TTC21B: variants seen among roughly 807,000 people sequenced by gnomAD.
TTC21B encodes the protein tetratricopeptide repeat domain 21B.
Under a neutral mutation model 175.1 loss-of-function variants are expected in TTC21B, and 127 were observed. The observed-to-expected ratio is 0.73, with a 90% CI of 0.63 to 0.84. The LOEUF is 0.84. TTC21B is among the 40% of genes least tolerant of loss of function. TTC21B has a pLI of 0.00. For synonymous variants in TTC21B, 524 were observed against 524.5 expected (o/e 1.00, Z 0.01); for missense variants, 1,561 against 1,558.3 (o/e 1.00, Z -0.03).
chr2:165,907,706 A>G lies in TTC21B; in HGVS notation c.2540T>C (p.Leu847Pro), dbSNP rs750709791. Reference protein sequence around the residue: ...LAKVYSKMEKLGDAITALQQA... With the variant: ...LAKVYSKMEKPGDAITALQQA... ...TTGTAATGCAGTGATCGCATCACCA[A>G]GTTTTTCCATTTTACTATAAACTTT... Residue 847 changes from leucine to proline, a missense_variant, in exon 19 of 29, where the codon CTT becomes CCT. By Grantham distance (98) the Leu-to-Pro change is moderately conservative. Transcript: ENST00000243344. 1.2e-6 allele frequency: 2 copies of G among 1,612,798 alleles called. No individual in the cohort carries two copies. Among genetic ancestry groups the G allele is most frequent in the Admixed American group, 3.3e-5 (2 of 60,008 alleles).
At chr2:165,884,059 A>T (rs1036583305) in intron 25 of TTC21B, 41 bp from the exon 26 acceptor site, 2 of 1,514,950 alleles carry the variant, frequency 1.3e-6, no homozygotes, top group Non-Finnish European at 1.8e-6. Context: ...ATGCATAAAC[A>T]TAAATGCCCC....
chr2:165,939,404 G>C (rs2105358045), intron 6 of TTC21B, among the ~76,000 whole-genome samples: 1 of 152,242 alleles, frequency 6.6e-6, no homozygotes, highest in Non-Finnish European at 1.5e-5. Context: ...TTTGTATCTT[G>C]AAAGTATCCT....
chr2:165,897,389 C>T (rs372619464), intron 22 of TTC21B, among the ~76,000 whole-genome samples: 50 of 152,132 alleles, frequency 3.3e-4, no homozygotes, highest in African/African-American at 1.1e-3. Flanking sequence ...CAAGGATTTG[C>T]TGATAGACTG....
intron 11 of TTC21B, among the ~76,000 whole-genome samples, chr2:165,928,015 T>C (rs1330033712): frequency 6.6e-6 from 1 of 152,198 alleles, no homozygotes; most frequent in Non-Finnish European, 1.5e-5. Context: ...TTACTATCTG[T>C]AATAAGAGTG....
At chr2:165,952,870 G>T (rs536424739) in intron 1 of TTC21B, among the ~76,000 whole-genome samples, 1 of 152,174 alleles carries the variant, frequency 6.6e-6, no homozygotes, top group Non-Finnish European at 1.5e-5. Context: ...GTTTTTCTTG[G>T]TTTTATTATT....
chr2:165,890,827 A>C lies in TTC21B; in HGVS notation c.3101+11T>G. The C allele has an allele frequency of 6.2e-7, 1 of 1,612,180 alleles. No homozygotes were observed. The highest frequency in any genetic ancestry group is 8.5e-7 in the Non-Finnish European group (1 of 1,178,930). On this transcript the variant is annotated intron_variant, in intron 23 of 28. Transcript: ENST00000243344. The stretch of plus-strand genomic sequence containing the variant: ...AAAAATCATGTAGCATTTATTTGTA[A>C]ATAGATTTACCAAAGATACAGTCCT...
chr2:165,923,780 C>T (rs1428545302), intron 12 of TTC21B, among the ~76,000 whole-genome samples: 1 of 137,426 alleles, frequency 7.3e-6, no homozygotes, highest in Admixed American at 7.6e-5. Flanking sequence ...GACAGGGTCT[C>T]ACTCCCATCA....
intron 1 of TTC21B, 65 bp downstream of exon 1, chr2:165,953,620 C>A: frequency 6.5e-7 from 1 of 1,537,276 alleles, no homozygotes; most frequent in Non-Finnish European, 8.7e-7. Flanking sequence ...CGCCCCCGGG[C>A]CAAAAGGCCG....
chr2:165,913,095 G>C (rs1188044379), intron 16 of TTC21B, among the ~76,000 whole-genome samples: 2 of 151,760 alleles, frequency 1.3e-5, no homozygotes, highest in Non-Finnish European at 2.9e-5. Flanking sequence ...CTGGAGTGCA[G>C]TGGCGCAATC....
chr2:165,926,223 GA>G (rs1686623169), intron 11 of TTC21B, among the ~76,000 whole-genome samples: 1 of 152,142 alleles, frequency 6.6e-6, no homozygotes, highest in African/African-American at 2.4e-5. Flanking sequence ...ATTTGAACTA[GA>G]GGCCCAACTA....
intron 3 of TTC21B, among the ~76,000 whole-genome samples, chr2:165,946,732 G>T (rs1042974464): frequency 9.2e-5 from 14 of 152,056 alleles, no homozygotes; most frequent in Non-Finnish European, 1.6e-4. Context: ...AACTACTTGG[G>T]AGGCTGAGGC....
chr2:165,953,111 C>T (rs897148580), intron 1 of TTC21B, among the ~76,000 whole-genome samples: 1 of 152,166 alleles, frequency 6.6e-6, no homozygotes, highest in African/African-American at 2.4e-5. Flanking sequence ...AGACCAACAT[C>T]CGAAAAGTTA....
At chr2:165,943,114 A>C in intron 5 of TTC21B, 105 bp downstream of exon 5, 1 of 1,097,150 alleles carries the variant, frequency 9.1e-7, no homozygotes. Flanking sequence ...TGACAACAGT[A>C]TCATGAAAAT....
At chr2:165,894,529 A>G (rs1685297328) in intron 22 of TTC21B, among the ~76,000 whole-genome samples, 1 of 151,930 alleles carries the variant, frequency 6.6e-6, no homozygotes, top group South Asian at 2.1e-4. Context: ...AAGATTAAAA[A>G]CTCTTAAGAT....
chr2:165,888,178 A>C lies in TTC21B; in HGVS notation c.3459+101T>G. On this transcript the variant is annotated intron_variant, in intron 25 of 28. Coordinates refer to ENST00000243344, the MANE Select transcript of TTC21B (RefSeq NM_024753.5). ...ACCTAATTTTTAATAAAAGTTAAGTAATTAAGTCAATCTTCAGAAAATAAA... is the reference window on the plus strand; with the variant it reads ...ACCTAATTTTTAATAAAAGTTAAGTCATTAAGTCAATCTTCAGAAAATAAA... 3 of 943,396 alleles carry C rather than the reference A, an allele frequency of 3.2e-6. 1 individual carries two copies. In the South Asian group the frequency reaches 4.4e-5, roughly 14 times the overall value. The allele number at this position is 943,396 out of a possible 1,614,324, so 58.4% of individuals were successfully genotyped here. A position where few individuals can be genotyped will look rare whatever the true frequency, so the allele number is the denominator to read the frequency against.
In TTC21B at chr2:165,915,214, T is replaced by C; in HGVS notation, c.2125A>G (p.Ile709Val). Residue 709 changes from isoleucine (I) to valine (V), a missense_variant, in exon 15 of 29, where the codon ATC (isoleucine) becomes GTC (valine). Ile to Val is a conservative substitution (Grantham distance 29). Transcript: ENST00000243344. ...ACAATTACTTACCTAAAACAAGTGA[T>C]ATATAACATTTTATCTTTTCTGTGC... ...LKHRKDKMLY[I>V]TCFREIAERM... 1 of 1,612,120 alleles carries C rather than the reference T, an allele frequency of 6.2e-7. No individual in the cohort carries two copies. The highest frequency in any genetic ancestry group is 8.5e-7 in the Non-Finnish European group (1 of 1,178,180).
chr2:165,906,521 C>G (rs1192828187), intron 19 of TTC21B, among the ~76,000 whole-genome samples: 1 of 151,924 alleles, frequency 6.6e-6, no homozygotes, highest in Non-Finnish European at 1.5e-5. Flanking sequence ...ATAAATTTAA[C>G]AATAAACTGA....
chr2:165,882,170 C>A (rs1267939586), intron 26 of TTC21B, among the ~76,000 whole-genome samples: 3 of 152,076 alleles, frequency 2.0e-5, no homozygotes, highest in Non-Finnish European at 4.4e-5. Context: ...GATGTTACAT[C>A]CATATATAAA....
chr2:165,911,655 A>AAT (rs1192034254), intron 17 of TTC21B, among the ~76,000 whole-genome samples, 190 bp from the exon 18 acceptor site: 16 of 140,800 alleles, frequency 1.1e-4, no homozygotes, highest in South Asian at 2.3e-4. Flanking sequence ...TGAAACAACT[A>AAT]ATATATATAT....
Sources: gnomAD v4.1 joint callset for allele counts (sites outside exome capture counted in the v4.1 genomes callset) on GRCh38, gnomAD v4.1.1 for gene constraint, MANE v1.5 for transcripts, NCBI Gene and HGNC (gene_info 2026-07-23, HGNC 2026-07-21) for gene names.